CPE: variants seen among roughly 807,000 people sequenced by gnomAD.
CPE encodes the protein carbocypeptidase E.
In CPE, 17 loss-of-function variants were observed where a neutral mutation model predicts 53.5. The ratio of observed to expected loss-of-function variants is 0.32; its 90% CI spans 0.22 to 0.48. CPE has a LOEUF of 0.48. CPE is among the 20% of genes least tolerant of loss of function. CPE has a pLI of 0.99. For synonymous variants in CPE, 226 were observed against 228.8 expected (o/e 0.99, Z 0.11); for missense variants, 524 against 614.7 (o/e 0.85, Z 1.56).
intron 1 of CPE, chr4:165,418,325 A>G (rs764546970): frequency 6.6e-6 from 1 of 151,600 alleles, no homozygotes; most frequent in Non-Finnish European, 1.5e-5. Flanking sequence ...ATTGTGGAGA[A>G]AAATAAACAA....
chr4:165,426,629 G>A (rs572697056), intron 1 of CPE, among the ~76,000 whole-genome samples: 2 of 152,194 alleles, frequency 1.3e-5, no homozygotes, highest in Admixed American at 1.3e-4. Flanking sequence ...GTAGGAAAAG[G>A]CAAATGTCTT....
rs1394548176 is a variant in CPE, at chr4:165,379,644, A to C, written c.307+116A>C. On this transcript the variant is annotated intron_variant, in intron 1 of 8. Coordinates refer to ENST00000402744, the MANE Select transcript of CPE (RefSeq NM_001873.4). The surrounding 1 kb of genome is among the most constrained non-coding windows in gnomAD (Gnocchi z 6.0). ...ATGGGCCCAGGGGTGCCTCTTGGTA[A>C]AAGGTATCTAAGGTGGAAGGTGGGA... 2.8e-5 allele frequency: 29 copies of C among 1,029,938 alleles called. No individual in the cohort carries two copies. Among genetic ancestry groups the C allele is most frequent in the Non-Finnish European group, 3.7e-5 (28 of 747,866 alleles). The allele number at this position is 1,029,938 out of a possible 1,614,324, so 63.8% of individuals were successfully genotyped here. A position where few individuals can be genotyped will look rare whatever the true frequency, so the allele number is the denominator to read the frequency against.
At chr4:165,473,717 C>T (rs1168169168) in intron 3 of CPE, among the ~76,000 whole-genome samples, 1 of 152,022 alleles carries the variant, frequency 6.6e-6, no homozygotes, top group East Asian at 1.9e-4. Flanking sequence ...TGAATCTTTT[C>T]TTTTGGAAGG....
intron 3 of CPE, among the ~76,000 whole-genome samples, chr4:165,475,096 A>T (rs972258871): frequency 2.0e-5 from 3 of 152,250 alleles, no homozygotes; most frequent in African/African-American, 7.2e-5. Context: ...CCCTCTTAAC[A>T]TAAAGTAGTA....
intron 1 of CPE, among the ~76,000 whole-genome samples, chr4:165,392,845 G>A (rs1236657516): frequency 6.8e-6 from 1 of 146,650 alleles, no homozygotes; most frequent in Non-Finnish European, 1.5e-5. Context: ...TAATTATCTG[G>A]CACATATATA....
chr4:165,389,038 A>G (rs1730640744), intron 1 of CPE, among the ~76,000 whole-genome samples: 2 of 152,220 alleles, frequency 1.3e-5, no homozygotes, highest in Non-Finnish European at 2.9e-5. Context: ...GAGCTCACAC[A>G]AAGAGAAATC....
chr4:165,487,929 A>G (rs1040189697), intron 6 of CPE, among the ~76,000 whole-genome samples: 1 of 152,124 alleles, frequency 6.6e-6, no homozygotes, highest in African/African-American at 2.4e-5. Context: ...GAGGCACCTG[A>G]ATGGAAAATT....
chr4:165,495,224 T>C (rs17847603), intron 7 of CPE, among the ~76,000 whole-genome samples: 13,162 of 152,252 alleles, frequency 0.086, 767 homozygotes, highest in African/African-American at 0.17. Context: ...CAAAACATGA[T>C]GGCTGTATGT....
chr4:165,435,094 T>C (rs1731475255), intron 1 of CPE, among the ~76,000 whole-genome samples: 1 of 152,198 alleles, frequency 6.6e-6, no homozygotes, highest in African/African-American at 2.4e-5. Context: ...ATGCTTCTTG[T>C]GCAGCCTGCA....
intron 3 of CPE, 53 bp downstream of exon 3, chr4:165,467,908 G>C: frequency 1.3e-6 from 2 of 1,569,396 alleles, no homozygotes; most frequent in South Asian, 2.3e-5. Context: ...AAGGAAATAT[G>C]TTCCAATATC....
At chr4:165,409,709 A>T (rs1160621520) in intron 1 of CPE, among the ~76,000 whole-genome samples, 2 of 152,162 alleles carry the variant, frequency 1.3e-5, no homozygotes, top group African/African-American at 4.8e-5. Context: ...TGGTGATCTT[A>T]TCCTGGAACA....
chr4:165,469,389 G>A (rs1456399388), intron 3 of CPE, among the ~76,000 whole-genome samples: 4 of 152,156 alleles, frequency 2.6e-5, no homozygotes, highest in Non-Finnish European at 5.9e-5. Flanking sequence ...GGTCATTCCA[G>A]CAGCTCTTGG....
At chr4:165,496,308 C>A (rs377600994) in intron 8 of CPE, among the ~76,000 whole-genome samples, 1 of 152,126 alleles carries the variant, frequency 6.6e-6, no homozygotes, top group African/African-American at 2.4e-5. Context: ...TGTTTATGTA[C>A]CCAAAACTTG....
At chr4:165,432,410 C>T (rs150874938) in intron 1 of CPE, among the ~76,000 whole-genome samples, 2,814 of 152,248 alleles carry the variant, frequency 0.018, 85 homozygotes, top group African/African-American at 0.063. Flanking sequence ...ATCCTCCCAC[C>T]TCAGCCTCCC....
At chr4:165,438,048 T>A (rs1016791857) in intron 1 of CPE, among the ~76,000 whole-genome samples, 1 of 152,172 alleles carries the variant, frequency 6.6e-6, no homozygotes, top group Admixed American at 6.6e-5. Flanking sequence ...TTAGACTTTA[T>A]CCTGTGAGAA....
At chr4:165,459,340 G>A (rs1731954390) in intron 1 of CPE, among the ~76,000 whole-genome samples, 1 of 152,106 alleles carries the variant, frequency 6.6e-6, no homozygotes, top group Non-Finnish European at 1.5e-5. Flanking sequence ...ATCCAACCAG[G>A]CACATTAAAT....
At chr4:165,400,704 A>G (rs1392415661) in intron 1 of CPE, among the ~76,000 whole-genome samples, 2 of 152,202 alleles carry the variant, frequency 1.3e-5, no homozygotes, top group African/African-American at 4.8e-5. Context: ...TTTCTTTTTT[A>G]AAGGCTAGTC....
intron 3 of CPE, among the ~76,000 whole-genome samples, chr4:165,473,068 C>T (rs1732236768): frequency 6.6e-6 from 1 of 152,142 alleles, no homozygotes. Flanking sequence ...GCAAGTTGTA[C>T]AGTTAGGAGT....
At chr4:165,390,613 A>G (rs1730665075) in intron 1 of CPE, among the ~76,000 whole-genome samples, 2 of 152,296 alleles carry the variant, frequency 1.3e-5, no homozygotes, top group Middle Eastern at 3.4e-3. Flanking sequence ...AAATACTTAG[A>G]ATTGTCTCCC....
Sources: gnomAD v4.1 joint callset for allele counts (sites outside exome capture counted in the v4.1 genomes callset) on GRCh38, gnomAD v4.1.1 for gene constraint, Gnocchi (gnomAD v3.1) non-coding constraint, MANE v1.5 for transcripts, NCBI Gene and HGNC (gene_info 2026-07-23, HGNC 2026-07-21) for gene names.